The following LRRTM4 variants were observed in gnomAD, a reference collection of about 807,000 sequenced individuals.
LRRTM4 encodes leucine-rich repeat transmembrane neuronal protein 4.
In LRRTM4, 25 loss-of-function variants were observed where a neutral mutation model predicts 47.6. The ratio of observed to expected loss-of-function variants is 0.53; its 90% CI spans 0.38 to 0.73. The LOEUF (loss-of-function observed/expected upper bound fraction) is 0.73, where lower values mean the gene tolerates loss of function less well. Ranked by LOEUF, LRRTM4 falls within the 30% of genes least tolerant of loss-of-function variation. The probability of loss-of-function intolerance (pLI) is 0.00; values close to 1 mark genes in which losing one functional copy is unlikely to be tolerated. For synonymous variants in LRRTM4, 311 were observed against 269.5 expected, an observed-to-expected ratio of 1.15 and a Z score of -1.51; for missense variants, 638 against 713.4, an observed-to-expected ratio of 0.89 and a Z score of 1.20.
intron 3 of LRRTM4, among the ~76,000 whole-genome samples, chr2:76,969,545 T>C (rs1490741598): frequency 1.3e-5 from 2 of 151,892 alleles, no homozygotes; most frequent in African/African-American, 2.4e-5. Flanking sequence ...TACTTTCAAA[T>C]GGCAAAAACT....
intron 3 of LRRTM4, among the ~76,000 whole-genome samples, chr2:76,939,262 A>G (rs999474992): frequency 1.3e-5 from 2 of 152,158 alleles, no homozygotes; most frequent in East Asian, 3.8e-4. Context: ...CTCAGATAAC[A>G]TTTCAGTGCA....
intron 3 of LRRTM4, among the ~76,000 whole-genome samples, chr2:77,104,113 C>T (rs749904544): frequency 2.0e-5 from 3 of 152,188 alleles, no homozygotes; most frequent in Non-Finnish European, 4.4e-5. Context: ...ACACCACCTT[C>T]CTTCAGTTGC....
At chr2:77,433,945 G>A (rs370912128) in intron 3 of LRRTM4, among the ~76,000 whole-genome samples, 3 of 152,154 alleles carry the variant, frequency 2.0e-5, no homozygotes, top group East Asian at 3.9e-4. Flanking sequence ...CATGCAAAGA[G>A]GCACAACAGA....
At chr2:76,946,975 T>C (rs1213658652) in intron 3 of LRRTM4, among the ~76,000 whole-genome samples, 1 of 151,790 alleles carries the variant, frequency 6.6e-6, no homozygotes, top group Non-Finnish European at 1.5e-5. Flanking sequence ...AACATTACAG[T>C]GTAACCAGGA....
At chr2:77,166,360 T>A (rs956395883) in intron 3 of LRRTM4, among the ~76,000 whole-genome samples, 2 of 152,180 alleles carry the variant, frequency 1.3e-5, no homozygotes, top group Admixed American at 6.5e-5. Flanking sequence ...GAATGAATTA[T>A]TGTGCAAATG....
chr2:77,281,507 T>C (rs1180396602), intron 3 of LRRTM4, among the ~76,000 whole-genome samples: 1 of 151,900 alleles, frequency 6.6e-6, no homozygotes, highest in African/African-American at 2.4e-5. Flanking sequence ...AGACAAATGA[T>C]AAAGCTAAAT....
At chr2:76,781,798 TA>T (rs200422597) in intron 3 of LRRTM4, among the ~76,000 whole-genome samples, 157 of 151,856 alleles carry the variant, frequency 1.0e-3, no homozygotes, top group African/African-American at 3.6e-3. Context: ...GTGGCATTTC[TA>T]TTTTTTTTCC....
chr2:77,015,656 T>C (rs17040500), intron 3 of LRRTM4, among the ~76,000 whole-genome samples: 34,266 of 135,072 alleles, frequency 0.25, 4,333 homozygotes, highest in East Asian at 0.45. Context: ...ACATTGCCAC[T>C]GGATGTATTT....
intron 3 of LRRTM4, among the ~76,000 whole-genome samples, chr2:76,915,693 T>G (rs1296775080): frequency 6.6e-6 from 1 of 152,196 alleles, no homozygotes; most frequent in Non-Finnish European, 1.5e-5. Context: ...TAGGACATAC[T>G]AGTTAAGAAA....
intron 3 of LRRTM4, among the ~76,000 whole-genome samples, chr2:77,369,913 T>C (rs1032149055): frequency 6.6e-6 from 1 of 151,848 alleles, no homozygotes; most frequent in African/African-American, 2.4e-5. Context: ...TATAATCTTA[T>C]GGTACCACCA....
intron 3 of LRRTM4, among the ~76,000 whole-genome samples, chr2:77,207,589 A>G (rs1384623211): frequency 1.3e-5 from 2 of 151,434 alleles, no homozygotes; most frequent in Non-Finnish European, 2.9e-5. Flanking sequence ...TTATAAATTC[A>G]TACAAAGCTT....
At chr2:77,134,400 C>CT (rs1671879167) in intron 3 of LRRTM4, among the ~76,000 whole-genome samples, 1 of 152,120 alleles carries the variant, frequency 6.6e-6, no homozygotes, top group South Asian at 2.1e-4. Flanking sequence ...TATTTATACA[C>CT]TTTTTTCCAT....
At chr2:76,872,709 A>C (rs187896822) in intron 3 of LRRTM4, among the ~76,000 whole-genome samples, 1 of 152,126 alleles carries the variant, frequency 6.6e-6, no homozygotes, top group Non-Finnish European at 1.5e-5. Flanking sequence ...TCCAAACCTC[A>C]TATTTAAATT....
At chr2:77,219,544 C>A (rs1056000200) in intron 3 of LRRTM4, among the ~76,000 whole-genome samples, 13 of 152,170 alleles carry the variant, frequency 8.5e-5, no homozygotes, top group African/African-American at 3.1e-4. Context: ...CGGATAACTT[C>A]TAAGAGGAGG....
At chr2:77,221,851 C>T (rs200414675) in intron 3 of LRRTM4, among the ~76,000 whole-genome samples, 103,895 of 150,966 alleles carry the variant, frequency 0.69, 36,400 homozygotes, top group African/African-American at 0.84. Flanking sequence ...CTGCACCAAG[C>T]AGACCTAATA....
At chr2:76,823,971 T>C (rs1671124185) in intron 3 of LRRTM4, among the ~76,000 whole-genome samples, 1 of 148,882 alleles carries the variant, frequency 6.7e-6, no homozygotes, top group Non-Finnish European at 1.5e-5. Context: ...ATTTAACCCA[T>C]ACAGAAAGGC....
intron 3 of LRRTM4, among the ~76,000 whole-genome samples, chr2:77,116,289 A>C (rs1450302187): frequency 6.6e-6 from 1 of 152,184 alleles, no homozygotes; most frequent in Non-Finnish European, 1.5e-5. Context: ...AGAAAATTCA[A>C]AAAGAACTTA....
chr2:76,823,103 TTCA>T (rs1671097821), intron 3 of LRRTM4, among the ~76,000 whole-genome samples: 3 of 151,334 alleles, frequency 2.0e-5, no homozygotes, highest in African/African-American at 7.3e-5. Flanking sequence ...AAGGGTTAAT[TTCA>T]TCATTTTACA....
chr2:77,045,747 C>G (rs768615355), intron 3 of LRRTM4, among the ~76,000 whole-genome samples: 4 of 151,874 alleles, frequency 2.6e-5, no homozygotes, highest in Non-Finnish European at 5.9e-5. Flanking sequence ...AACTGTAAGT[C>G]CAATTAATTT....
Sources: allele counts gnomAD v4.1 joint callset (sites outside exome capture counted in the v4.1 genomes callset), GRCh38; gene constraint gnomAD v4.1.1; transcripts MANE v1.5; gene names NCBI Gene and HGNC (gene_info 2026-07-23, HGNC 2026-07-21).